PRKAG2: variants seen among roughly 807,000 people sequenced by gnomAD.
PRKAG2 encodes 5'-AMP-activated protein kinase subunit gamma-2.
In PRKAG2, 26 loss-of-function variants were observed where a neutral mutation model predicts 69.6. The ratio of observed to expected loss-of-function variants is 0.37; its 90% CI spans 0.27 to 0.52. The LOEUF (loss-of-function observed/expected upper bound fraction) is 0.52. PRKAG2 is among the 20% of genes least tolerant of loss of function. PRKAG2 has a pLI of 0.90. For synonymous variants in PRKAG2, 293 were observed against 285.0 expected (o/e 1.03, Z -0.28); for missense variants, 557 against 740.0 (o/e 0.75, Z 2.87).
At position 151,876,490 on chromosome 7, in the gene PRKAG2, C is replaced by T; in HGVS notation, c.114+17G>A. 2 of 1,598,830 alleles carry T rather than the reference C, an allele frequency of 1.3e-6. No individual in the cohort carries two copies. The highest frequency in any genetic ancestry group is 8.5e-7 in the Non-Finnish European group (1 of 1,175,282). ...ACAGGAGGGCTGGGGAGCAGGGGAC[C>T]GAGTGCTGGGACTCACCGGAATGTG... On this transcript the variant is annotated intron_variant, in intron 1 of 15. Coordinates refer to ENST00000287878, the MANE Select transcript of PRKAG2 (RefSeq NM_016203.4).
intron 4 of PRKAG2, among the ~76,000 whole-genome samples, chr7:151,639,111 T>A (rs1826238438): frequency 6.6e-6 from 1 of 151,888 alleles, no homozygotes; most frequent in African/African-American, 2.4e-5. Flanking sequence ...CCCAGCCCTC[T>A]CCTGAGCTCC....
At chr7:151,872,797 G>A (rs1314584600) in intron 1 of PRKAG2, among the ~76,000 whole-genome samples, 1 of 152,234 alleles carries the variant, frequency 6.6e-6, no homozygotes, top group Non-Finnish European at 1.5e-5. Flanking sequence ...GTAAGAGGCA[G>A]TCCACCAAGG....
Position 151,781,334 on chromosome 7 carries a change from G to GTTCCCTGTGCTGCTCTCC in PRKAG2, c.283_284insGGAGAGCAGCACAGGGAA (p.Pro95delinsArgArgAlaAlaGlnGlyThr). The GTTCCCTGTGCTGCTCTCC allele has an allele frequency of 6.2e-7, 1 of 1,613,960 alleles. No homozygotes were observed. The stretch of plus-strand genomic sequence containing the variant: ...TTTGGGAGAGCCGGGGCTGGTCTTG[G>GTTCCCTGTGCTGCTCTCC]GCCTCACAGGTGCAGACATGGGGCT... On this transcript the variant is annotated protein_altering_variant, in exon 3 of 16. Transcript: ENST00000287878. The surrounding 1 kb of genome is among the most constrained non-coding windows in gnomAD (Gnocchi z 6.1).
intron 1 of PRKAG2, among the ~76,000 whole-genome samples, chr7:151,826,182 T>G (rs2374307): frequency 0.56 from 84,923 of 151,354 alleles, 24,163 homozygotes; most frequent in East Asian, 0.77. Flanking sequence ...CACTTTTTTT[T>G]TTGTTGTTGT....
intron 3 of PRKAG2, among the ~76,000 whole-genome samples, chr7:151,700,955 C>T (rs1376661466): frequency 6.6e-6 from 1 of 152,250 alleles, no homozygotes; most frequent in Non-Finnish European, 1.5e-5. Context: ...GGCATTTCCA[C>T]ACAGGCGAGA....
intron 3 of PRKAG2, among the ~76,000 whole-genome samples, chr7:151,766,926 A>C (rs1183463984): frequency 6.6e-6 from 1 of 152,160 alleles, no homozygotes; most frequent in African/African-American, 2.4e-5. Flanking sequence ...TCCAAAAGTC[A>C]CATGTTGAAA....
At chr7:151,591,400 G>A (rs1813102246) in intron 6 of PRKAG2, among the ~76,000 whole-genome samples, 1 of 152,256 alleles carries the variant, frequency 6.6e-6, no homozygotes, top group South Asian at 2.1e-4. Flanking sequence ...TGATAGCGGT[G>A]TGGGCTGGAC....
intron 15 of PRKAG2, chr7:151,558,021 C>T: frequency 1.0e-6 from 1 of 985,258 alleles, no homozygotes; most frequent in African/African-American, 1.7e-5. Context: ...AGCTTCTCTC[C>T]TAATTTTTCA....
Position 151,611,035 on chromosome 7 carries a change from G to A in PRKAG2, c.755-15581C>T, listed in dbSNP as rs541165832. Among the ~76,000 whole-genome samples the A allele has an allele frequency of 3.5e-4, 53 of 152,228 alleles. No homozygotes were observed. The South Asian group carries it at 4.4e-3, about 13-fold the overall frequency. On this transcript the variant is annotated intron_variant, in intron 5 of 15. Transcript: ENST00000287878. ...CTCCCAAAGTGCTGGGATTACAGGC[G>A]TGAGCCACCACACCCAGCCAATATT...
At position 151,781,247 on chromosome 7, in the gene PRKAG2, C is replaced by A. The variant is rs1359553046; in HGVS notation, c.371G>T (p.Ser124Ile). 6.2e-7 allele frequency: 1 copy of A among 1,614,092 alleles called. No homozygotes were observed. Among genetic ancestry groups the A allele is most frequent in the East Asian group, 2.2e-5 (1 of 44,874 alleles). ...TTTGGAGGAGGAGCGGAAGATCCCA[C>A]TGAAGCTCATGCGTCGAGGGGAGCG... ...PPRSPRRMSF[S>I]GIFRSSSKES... The change falls in exon 3 of 16, where the codon AGT becomes ATT. Residue 124 changes from serine (S) to isoleucine (I), a missense_variant. Around this residue, in one of 2 missense-constraint regions of PRKAG2, gnomAD observed 352 missense variants for 356.7 expected, o/e 0.99. Transcript: ENST00000287878. The surrounding 1 kb of genome is among the most constrained non-coding windows in gnomAD (Gnocchi z 6.1).
At chr7:151,846,040 C>T (rs1028497071) in intron 1 of PRKAG2, among the ~76,000 whole-genome samples, 3 of 152,198 alleles carry the variant, frequency 2.0e-5, no homozygotes, top group Admixed American at 6.5e-5. Context: ...CCAGACCTCC[C>T]GGCCTGATCA....
intron 4 of PRKAG2, among the ~76,000 whole-genome samples, chr7:151,650,850 T>G (rs1828380709): frequency 6.6e-6 from 1 of 152,206 alleles, no homozygotes; most frequent in Non-Finnish European, 1.5e-5. Flanking sequence ...CTTTTTAATA[T>G]TCTGTGTGAT....
intron 4 of PRKAG2, among the ~76,000 whole-genome samples, chr7:151,647,641 T>C (rs1008633043): frequency 6.6e-6 from 1 of 152,170 alleles, no homozygotes; most frequent in Non-Finnish European, 1.5e-5. Context: ...GATGTGCTGA[T>C]GGTCTTTATC....
Position 151,771,039 on chromosome 7 carries a change from A to G in PRKAG2, c.466+10113T>C, listed in dbSNP as rs2075997440. Among the ~76,000 whole-genome samples, 1 of 152,212 alleles carries G rather than the reference A, an allele frequency of 6.6e-6. No individual in the cohort carries two copies. Among genetic ancestry groups the G allele is most frequent in the Non-Finnish European group, 1.5e-5 (1 of 68,038 alleles). Reference sequence around the variant, plus strand: ...ATTGCAGAAATTATGCCAAAGCATGATCAAATTATCTGCCCACAATGTATA... The same window carrying G: ...ATTGCAGAAATTATGCCAAAGCATGGTCAAATTATCTGCCCACAATGTATA... On this transcript the variant is annotated intron_variant, in intron 3 of 15. Transcript: ENST00000287878. The surrounding 1 kb of genome is among the most constrained non-coding windows in gnomAD (Gnocchi z 4.0).
At chr7:151,746,009 G>A (rs1403356087) in intron 3 of PRKAG2, among the ~76,000 whole-genome samples, 1 of 152,200 alleles carries the variant, frequency 6.6e-6, no homozygotes, top group African/African-American at 2.4e-5. Flanking sequence ...CCAAGCAATG[G>A]CTTCTGAAAA....
At chr7:151,674,131 C>G (rs970066454) in intron 4 of PRKAG2, among the ~76,000 whole-genome samples, 7 of 152,182 alleles carry the variant, frequency 4.6e-5, no homozygotes, top group African/African-American at 1.7e-4. Flanking sequence ...GCATGAGCCA[C>G]CGCACCTGGC....
intron 3 of PRKAG2, among the ~76,000 whole-genome samples, chr7:151,709,338 G>T (rs575057130): frequency 6.7e-6 from 1 of 150,034 alleles, no homozygotes; most frequent in Non-Finnish European, 1.5e-5. Flanking sequence ...TGAGTGACGT[G>T]TGACAATGAT....
Position 151,828,321 on chromosome 7 carries a change from G to A in PRKAG2, c.115-41780C>T, listed in dbSNP as rs540213415. On this transcript the variant is annotated intron_variant, in intron 1 of 15. Transcript: ENST00000287878. This position sits in a 1 kb window ranked among gnomAD's most constrained non-coding sequence, Gnocchi z 4.6. ...AAATCCTAGCCCAACAAGGGGTGAC[G>A]GCAGGACTCTCCCCGGATTCAGGTC... Among the ~76,000 whole-genome samples, 7 of 152,274 alleles carry A rather than the reference G, an allele frequency of 4.6e-5. No individual in the cohort carries two copies. Among genetic ancestry groups the A allele is most frequent in the South Asian group, 2.1e-4 (1 of 4,824 alleles).
At chr7:151,868,039 T>G (rs568561288) in intron 1 of PRKAG2, among the ~76,000 whole-genome samples, 1 of 152,152 alleles carries the variant, frequency 6.6e-6, no homozygotes, top group Non-Finnish European at 1.5e-5. Flanking sequence ...CGGAGCAAAC[T>G]GGTCTTTGTC....
Sources: allele counts gnomAD v4.1 joint callset (sites outside exome capture counted in the v4.1 genomes callset), GRCh38; gene constraint gnomAD v4.1.1; regional missense constraint gnomAD v4.1.1; non-coding constraint Gnocchi (gnomAD v3.1); transcripts MANE v1.5; gene names NCBI Gene and HGNC (gene_info 2026-07-23, HGNC 2026-07-21).